The following ITGA9 variants were observed in gnomAD, a reference collection of about 807,000 sequenced individuals.
The protein encoded by ITGA9 is integrin alpha-9.
In ITGA9, 56 loss-of-function variants were observed where a neutral mutation model predicts 127.8. The observed-to-expected ratio is 0.44, with a 90% confidence interval of 0.35 to 0.55. ITGA9 has a LOEUF of 0.55. Among genes scored for constraint, ITGA9 ranks in the 20% least tolerant of loss-of-function variants. The pLI, the probability that ITGA9 is intolerant of heterozygous loss-of-function variation, is 0.00. For synonymous variants in ITGA9, 508 were observed against 514.5 expected (o/e 0.99, Z 0.17); for missense variants, 1,196 against 1,347.1 (o/e 0.89, Z 1.76).
intron 23 of ITGA9, among the ~76,000 whole-genome samples, chr3:37,775,441 G>T (rs1053364284): frequency 2.7e-5 from 4 of 150,182 alleles, no homozygotes; most frequent in Middle Eastern, 3.4e-3. Context: ...TCAGGAGATG[G>T]AGACCATCCT....
At chr3:37,548,155 A>G (rs752928669) in intron 15 of ITGA9, among the ~76,000 whole-genome samples, 4 of 152,254 alleles carry the variant, frequency 2.6e-5, no homozygotes, top group Non-Finnish European at 5.9e-5. Flanking sequence ...ACACAATAAC[A>G]TGAATGACTT....
intron 26 of ITGA9, among the ~76,000 whole-genome samples, chr3:37,800,989 A>C (rs550481308): frequency 6.6e-6 from 1 of 152,066 alleles, no homozygotes; most frequent in Non-Finnish European, 1.5e-5. Context: ...ACATGGTGAA[A>C]CCCTGTCTCT....
intron 18 of ITGA9, among the ~76,000 whole-genome samples, chr3:37,704,718 G>A (rs928577728): frequency 2.6e-5 from 4 of 152,126 alleles, no homozygotes; most frequent in African/African-American, 9.7e-5. Flanking sequence ...TTGGCATGGT[G>A]GGTCTGAAAC....
rs540895923 is a variant in ITGA9 at position 37,587,826 on chromosome 3, G to A, written c.1690-41361G>A. ...GCCTGGGTCACCAGGCAGTCAAGGC[G>A]GAGCAGGCCTGAGGCATCCTTGCAA... On this transcript the variant is annotated intron_variant, in intron 15 of 27. Transcript: ENST00000264741. Among the ~76,000 whole-genome samples, 16 of 152,292 alleles carry A rather than the reference G, an allele frequency of 1.1e-4. No individual in the cohort carries two copies. In the East Asian group the frequency reaches 2.7e-3, roughly 26 times the overall value.
At chr3:37,801,298 G>T (rs938427269) in intron 26 of ITGA9, among the ~76,000 whole-genome samples, 3 of 152,084 alleles carry the variant, frequency 2.0e-5, no homozygotes, top group Non-Finnish European at 4.4e-5. Flanking sequence ...CTTGGTGGGG[G>T]TGGGGACTGG....
chr3:37,752,663 T>C (rs2125538987), intron 23 of ITGA9, among the ~76,000 whole-genome samples: 1 of 152,342 alleles, frequency 6.6e-6, no homozygotes, highest in South Asian at 2.1e-4. Flanking sequence ...TCACCCTACC[T>C]ACGGACCCAC....
chr3:37,456,532 T>A (rs541796278), intron 1 of ITGA9, among the ~76,000 whole-genome samples: 6 of 152,236 alleles, frequency 3.9e-5, no homozygotes, highest in Admixed American at 3.9e-4. Flanking sequence ...CCCCACCCCG[T>A]CCCCTCCTCC....
intron 18 of ITGA9, among the ~76,000 whole-genome samples, chr3:37,696,185 CAG>C (rs1227011587): frequency 6.6e-6 from 1 of 152,162 alleles, no homozygotes; most frequent in Non-Finnish European, 1.5e-5. Flanking sequence ...CTACTCTAGA[CAG>C]AGTCAGAGTT....
rs193243241 is a variant in ITGA9, at chr3:37,635,153, A to G, written c.1839+5817A>G. Among the ~76,000 whole-genome samples, 501 of 152,348 alleles carry G rather than the reference A, an allele frequency of 3.3e-3. 1 individual carries two copies. The highest frequency in any genetic ancestry group is 0.02 in the Middle Eastern group (6 of 294). On this transcript the variant is annotated intron_variant, in intron 16 of 27. Transcript: ENST00000264741. Reference sequence around the variant, plus strand: ...ATCCTAGAAATATTCTATCTGAAGTAGAAGTTGAATATTCCTGGACTTTAA... The same window carrying G: ...ATCCTAGAAATATTCTATCTGAAGTGGAAGTTGAATATTCCTGGACTTTAA...
At chr3:37,595,641 T>C (rs1012222084) in intron 15 of ITGA9, among the ~76,000 whole-genome samples, 1 of 152,234 alleles carries the variant, frequency 6.6e-6, no homozygotes, top group African/African-American at 2.4e-5. Flanking sequence ...TTCCTCCATG[T>C]TCCAACAACT....
At chr3:37,664,833 A>G (rs1700570574) in intron 17 of ITGA9, among the ~76,000 whole-genome samples, 1 of 152,140 alleles carries the variant, frequency 6.6e-6, no homozygotes, top group Non-Finnish European at 1.5e-5. Flanking sequence ...TTGTTATTAT[A>G]TGAGGGAAGG....
chr3:37,511,734 A>G (rs1186254123), intron 8 of ITGA9, among the ~76,000 whole-genome samples: 1 of 152,146 alleles, frequency 6.6e-6, no homozygotes, highest in East Asian at 1.9e-4. Context: ...GGGGAGGAAG[A>G]TGGCCTTGGC....
At chr3:37,557,506 T>G (rs1699442644) in intron 15 of ITGA9, among the ~76,000 whole-genome samples, 1 of 152,166 alleles carries the variant, frequency 6.6e-6, no homozygotes, top group Non-Finnish European at 1.5e-5. Context: ...TAGCCCCAGT[T>G]CATGGGAGTT....
At chr3:37,657,655 A>C (rs1211268457) in intron 17 of ITGA9, among the ~76,000 whole-genome samples, 1 of 139,596 alleles carries the variant, frequency 7.2e-6, no homozygotes, top group Non-Finnish European at 1.6e-5. Flanking sequence ...GGATTTGTTT[A>C]TTTTTTTTTT....
chr3:37,665,345 T>C (rs1355278952), intron 17 of ITGA9, among the ~76,000 whole-genome samples: 2 of 152,182 alleles, frequency 1.3e-5, no homozygotes, highest in Admixed American at 1.3e-4. Flanking sequence ...GGTATATTCT[T>C]GAAAGAAAGG....
chr3:37,595,421 G>A (rs1212136973), intron 15 of ITGA9, among the ~76,000 whole-genome samples: 1 of 152,200 alleles, frequency 6.6e-6, no homozygotes, highest in African/African-American at 2.4e-5. Context: ...GCTACACAGA[G>A]CAAACAACCA....
At chr3:37,657,618 T>G (rs569910911) in intron 17 of ITGA9, among the ~76,000 whole-genome samples, 3 of 138,592 alleles carry the variant, frequency 2.2e-5, no homozygotes, top group Admixed American at 1.5e-4. Context: ...CTTTTGTTGA[T>G]CTTTTCAAAA....
At chr3:37,740,377 G>A (rs181330456) in intron 20 of ITGA9, among the ~76,000 whole-genome samples, 74 of 152,310 alleles carry the variant, frequency 4.9e-4, no homozygotes, top group Admixed American at 1.8e-3. Flanking sequence ...CAAGAGCCAC[G>A]CATTTTCCCA....
chr3:37,700,149 A>AT (rs1700930388), intron 18 of ITGA9, among the ~76,000 whole-genome samples: 1 of 151,674 alleles, frequency 6.6e-6, no homozygotes, highest in African/African-American at 2.4e-5. Context: ...TGCTCAGCTA[A>AT]TTTTTTGTCT....
Sources: allele counts gnomAD v4.1 joint callset (sites outside exome capture counted in the v4.1 genomes callset), GRCh38; gene constraint gnomAD v4.1.1; transcripts MANE v1.5; gene names NCBI Gene and HGNC (gene_info 2026-07-23, HGNC 2026-07-21).